Variants in DLG2 observed in about 807,000 individuals in gnomAD.
DLG2 encodes discs large MAGUK scaffold protein 2, also known as disks large homolog 2.
Under a neutral mutation model 132.5 loss-of-function variants are expected in DLG2, and 45 were observed. That is an observed-to-expected ratio of 0.34 (90% CI 0.27 to 0.44). The LOEUF is 0.44. Ranked by LOEUF, DLG2 falls within the 20% of genes least tolerant of loss-of-function variation. The probability of loss-of-function intolerance (pLI) is 1.00; values close to 1 mark genes in which losing one functional copy is unlikely to be tolerated. For missense variants in DLG2, 1,045 were observed against 1,196.9 expected (o/e 0.87, Z 1.87); for synonymous variants, 424 against 419.6 (o/e 1.01, Z -0.13).
At chr11:84,969,578 G>T (rs138419424) in intron 6 of DLG2, among the ~76,000 whole-genome samples, 287 of 152,252 alleles carry the variant, frequency 1.9e-3, no homozygotes, top group African/African-American at 6.6e-3. Context: ...GAACACAAAA[G>T]AAACTGTCAT....
At chr11:84,914,465 G>A (rs1368772410) in intron 6 of DLG2, among the ~76,000 whole-genome samples, 3 of 152,100 alleles carry the variant, frequency 2.0e-5, no homozygotes, top group East Asian at 3.8e-4. Flanking sequence ...TTCTTTCAAC[G>A]GATGCTCAAA....
rs567591963 is a variant in DLG2, at chr11:84,642,060, G to A, written c.358-107329C>T. 2.6e-3 allele frequency among the ~76,000 whole-genome samples: 344 copies of A among 130,052 alleles called. 4 individuals carry two copies. Among genetic ancestry groups the A allele is most frequent in the South Asian group, 0.016 (64 of 3,930 alleles). The allele number at this position is 130,052 out of a possible 152,430, so 85.3% of individuals were successfully genotyped here. ...TGCATACGTATATATGTATATATAC[G>A]CACGCGTGTGTGTGTGTGTGTGTAT... On this transcript the variant is annotated intron_variant, in intron 6 of 27. Coordinates refer to ENST00000376104, the MANE Select transcript of DLG2 (RefSeq NM_001142699.3).
intron 8 of DLG2, among the ~76,000 whole-genome samples, chr11:84,239,591 T>C (rs1207783669): frequency 6.6e-6 from 1 of 151,122 alleles, no homozygotes; most frequent in Non-Finnish European, 1.5e-5. Flanking sequence ...ACTGCAACAA[T>C]GGCCAATGGC....
intron 3 of DLG2, among the ~76,000 whole-genome samples, chr11:85,486,437 AAC>A (rs1265632638): frequency 5.3e-5 from 8 of 152,162 alleles, no homozygotes; most frequent in African/African-American, 1.9e-4. Context: ...CCAGTGCCTA[AAC>A]ACACTACCAG....
intron 21 of DLG2, among the ~76,000 whole-genome samples, chr11:83,530,281 A>C (rs899708180): frequency 6.6e-6 from 1 of 152,078 alleles, no homozygotes; most frequent in African/African-American, 2.4e-5. Flanking sequence ...TGTTTCAATA[A>C]ATTTTCATTT....
At chr11:84,615,306 A>G (rs2099601970) in intron 6 of DLG2, among the ~76,000 whole-genome samples, 2 of 152,114 alleles carry the variant, frequency 1.3e-5, no homozygotes, top group African/African-American at 4.8e-5. Flanking sequence ...CATCGCACAC[A>G]TAGTATACCC....
At chr11:83,493,125 C>G (rs765897133) in intron 21 of DLG2, among the ~76,000 whole-genome samples, 5 of 152,074 alleles carry the variant, frequency 3.3e-5, no homozygotes, top group Non-Finnish European at 7.4e-5. Flanking sequence ...TTCCTTGAAT[C>G]CTTAAATTCA....
chr11:84,498,496 G>C (rs890585227), intron 7 of DLG2, among the ~76,000 whole-genome samples: 4 of 152,012 alleles, frequency 2.6e-5, no homozygotes, highest in Non-Finnish European at 4.4e-5. Flanking sequence ...TAAGAAAACA[G>C]CCACAGATAC....
chr11:84,290,214 G>C (rs1200460170), intron 7 of DLG2, among the ~76,000 whole-genome samples: 3 of 152,158 alleles, frequency 2.0e-5, no homozygotes, highest in African/African-American at 4.8e-5. Flanking sequence ...AGGAGGGACA[G>C]AAGATTGAGC....
At chr11:85,371,482 TGCAATAAGA>T (rs1220940411) in intron 3 of DLG2, among the ~76,000 whole-genome samples, 2 of 152,192 alleles carry the variant, frequency 1.3e-5, no homozygotes, top group Non-Finnish European at 2.9e-5. Flanking sequence ...TGTGCATCAG[TGCAATAAGA>T]ATCCATTTTT....
At chr11:84,955,612 A>G (rs551039196) in intron 6 of DLG2, 1 of 152,342 alleles carries the variant, frequency 6.6e-6, no homozygotes, top group Admixed American at 6.5e-5. Context: ...ATTCAGCAAA[A>G]TCACCAACAG....
At chr11:84,236,779 T>C (rs1044591319) in intron 8 of DLG2, among the ~76,000 whole-genome samples, 2 of 152,170 alleles carry the variant, frequency 1.3e-5, no homozygotes, top group African/African-American at 2.4e-5. Context: ...TCATAGTAGG[T>C]TAGCAGGTTA....
chr11:83,704,139 G>C (rs1489825141), intron 18 of DLG2, among the ~76,000 whole-genome samples: 1 of 151,930 alleles, frequency 6.6e-6, no homozygotes, highest in African/African-American at 2.4e-5. Context: ...ATCCTTTTAA[G>C]ATATTTAACT....
intron 7 of DLG2, among the ~76,000 whole-genome samples, chr11:84,492,307 T>C (rs920288498): frequency 6.6e-6 from 1 of 152,174 alleles, no homozygotes; most frequent in African/African-American, 2.4e-5. Context: ...ATATGTGGAA[T>C]AATCAAGACA....
intron 6 of DLG2, among the ~76,000 whole-genome samples, chr11:84,589,311 C>T (rs573873062): frequency 1.3e-5 from 2 of 152,164 alleles, no homozygotes; most frequent in South Asian, 4.2e-4. Context: ...CTCAGCTTTG[C>T]TAATGATTTC....
chr11:85,490,079 T>C (rs1271799212), intron 3 of DLG2, among the ~76,000 whole-genome samples: 1 of 152,026 alleles, frequency 6.6e-6, no homozygotes, highest in Non-Finnish European at 1.5e-5. Context: ...TCCTAGCTAC[T>C]CTGGAGGCTG....
chr11:84,299,121 G>A (rs997953355), intron 7 of DLG2, among the ~76,000 whole-genome samples: 5 of 152,068 alleles, frequency 3.3e-5, no homozygotes, highest in African/African-American at 7.3e-5. Context: ...AAAATCCTAG[G>A]ATAAAAAATA....
intron 6 of DLG2, among the ~76,000 whole-genome samples, chr11:84,538,873 T>A (rs2099361674): frequency 6.6e-6 from 1 of 152,030 alleles, no homozygotes; most frequent in African/African-American, 2.4e-5. Flanking sequence ...AAGCAAGAAA[T>A]GACAAGAACT....
At chr11:84,945,930 C>T (rs2050142068) in intron 6 of DLG2, among the ~76,000 whole-genome samples, 1 of 151,988 alleles carries the variant, frequency 6.6e-6, no homozygotes, top group South Asian at 2.1e-4. Context: ...AGACAAAACC[C>T]TTCTCACTTT....
Sources: gnomAD v4.1 joint callset for allele counts (sites outside exome capture counted in the v4.1 genomes callset) on GRCh38, gnomAD v4.1.1 for gene constraint, MANE v1.5 for transcripts, NCBI Gene and HGNC (gene_info 2026-07-23, HGNC 2026-07-21) for gene names.